Variants in HSPA4 observed in about 807,000 individuals in gnomAD.
HSPA4 encodes heat shock protein family A (Hsp70) member 4.
Under a neutral mutation model 106.2 loss-of-function variants are expected in HSPA4, and 25 were observed. The observed-to-expected ratio is 0.24, with a 90% CI of 0.17 to 0.33. The LOEUF (loss-of-function observed/expected upper bound fraction) is 0.33, where lower values mean the gene tolerates loss of function less well. Among genes scored for constraint, HSPA4 ranks in the 10% least tolerant of loss-of-function variants. The pLI is 1.00. For synonymous variants in HSPA4, 332 were observed against 333.6 expected (o/e 1.00, Z 0.05); for missense variants, 841 against 996.0 (o/e 0.84, Z 2.10).
At chr5:133,054,085 A>C (rs1561574205) in intron 1 of HSPA4, among the ~76,000 whole-genome samples, 1 of 151,400 alleles carries the variant, frequency 6.6e-6, no homozygotes. Flanking sequence ...AAATTTCCGC[A>C]CCCCCCACCT....
intron 1 of HSPA4, among the ~76,000 whole-genome samples, chr5:133,058,379 C>G (rs1012103211): frequency 2.0e-5 from 3 of 152,056 alleles, no homozygotes; most frequent in African/African-American, 7.2e-5. Context: ...AGAACCATCT[C>G]TTAAAAAACA....
intron 4 of HSPA4, among the ~76,000 whole-genome samples, chr5:133,071,698 G>A (rs1765383874): frequency 6.6e-6 from 1 of 152,212 alleles, no homozygotes; most frequent in Non-Finnish European, 1.5e-5. Context: ...AGCAAGGACT[G>A]TTAGGTGGCT....
chr5:133,058,213 G>A (rs1030583256), intron 1 of HSPA4, among the ~76,000 whole-genome samples: 15 of 152,184 alleles, frequency 9.9e-5, no homozygotes, highest in Admixed American at 7.2e-4. Context: ...GCAATATAGC[G>A]AGACTCTGTC....
intron 1 of HSPA4, among the ~76,000 whole-genome samples, chr5:133,061,177 C>T (rs1415645553): frequency 4.0e-5 from 6 of 150,104 alleles, no homozygotes; most frequent in Non-Finnish European, 8.9e-5. Context: ...GGCTGGAGTG[C>T]AGTGACGTGA....
intron 4 of HSPA4, among the ~76,000 whole-genome samples, chr5:133,071,029 C>T (rs1765374743): frequency 6.6e-6 from 1 of 152,150 alleles, no homozygotes; most frequent in African/African-American, 2.4e-5. Context: ...GTGCATTCAT[C>T]TCAGCCTGCC....
At chr5:133,073,919 C>T in intron 5 of HSPA4, 74 bp from the exon 6 acceptor site, 2 of 1,054,312 alleles carry the variant, frequency 1.9e-6, no homozygotes, top group Non-Finnish European at 2.6e-6. Context: ...ATATATAAAA[C>T]CTCTTTTTTC....
intron 13 of HSPA4, among the ~76,000 whole-genome samples, chr5:133,093,004 A>C (rs997108661): frequency 9.4e-6 from 1 of 106,734 alleles, no homozygotes; most frequent in South Asian, 2.9e-4. Context: ...TTTTTTTTGT[A>C]TTTTTTAGTA....
intron 1 of HSPA4, among the ~76,000 whole-genome samples, chr5:133,058,930 C>G (rs74361412): frequency 0.063 from 9,634 of 152,020 alleles, 879 homozygotes; most frequent in East Asian, 0.3. Context: ...GAGTTTGAGA[C>G]CAGCCTGGCC....
At chr5:133,063,238 C>G (rs2126695760) in intron 1 of HSPA4, among the ~76,000 whole-genome samples, 1 of 151,752 alleles carries the variant, frequency 6.6e-6, no homozygotes, top group South Asian at 2.1e-4. Flanking sequence ...CGTGACTGCC[C>G]CATAGCTGGG....
rs1765417957 is a variant in HSPA4, at chr5:133,074,091, G to A, written c.628G>A (p.Val210Ile). 1 of 1,604,644 alleles carries A rather than the reference G, an allele frequency of 6.2e-7. No homozygotes were observed. The highest frequency in any genetic ancestry group is 8.5e-7 in the Non-Finnish European group (1 of 1,175,734). ...FVDMGHSAYQ[V>I]SVCAFNRGKL... The stretch of plus-strand genomic sequence containing the variant: ...AGACATGGGCCACTCTGCTTATCAA[G>A]TTTCTGTATGTGCATTTAATAGAGG... The change falls in exon 6 of 19, where the codon GTT (valine) becomes ATT (isoleucine). Residue 210 changes from valine (V) to isoleucine (I), a missense_variant. By Grantham distance (29) the Val-to-Ile change is conservative. Coordinates refer to ENST00000304858, the MANE Select transcript of HSPA4 (RefSeq NM_002154.4).
chr5:133,076,633 A>T, intron 6 of HSPA4, 21 bp from the exon 7 acceptor site: 1 of 1,602,710 alleles, frequency 6.2e-7, no homozygotes, highest in East Asian at 2.2e-5. Flanking sequence ...TTGTTAGATT[A>T]ATTCTCATTT....
chr5:133,074,489 G>T (rs1046431824), intron 6 of HSPA4, among the ~76,000 whole-genome samples: 3 of 152,130 alleles, frequency 2.0e-5, no homozygotes, highest in African/African-American at 7.2e-5. Flanking sequence ...TGTTGGTCAG[G>T]CTGGTCTCGA....
At position 133,104,707 on chromosome 5, in the gene HSPA4, C is replaced by A; in HGVS notation, c.*271C>A. On this transcript the variant is annotated 3_prime_UTR_variant, in exon 19 of 19. Transcript: ENST00000304858. ...TATGCTTCACTCCTTTATGTTTAACCATGTGTCTACAAGAATAAGTTTGTT... is the reference window on the plus strand; with the variant it reads ...TATGCTTCACTCCTTTATGTTTAACAATGTGTCTACAAGAATAAGTTTGTT... 1 of 373,132 alleles carries A rather than the reference C, an allele frequency of 2.7e-6. No homozygotes were observed. The allele number at this position is 373,132 out of a possible 1,614,324, so 23.1% of individuals were successfully genotyped here.
chr5:133,091,278 C>T lies in HSPA4; in HGVS notation c.1464C>T (p.Gly488=), dbSNP rs201459943. 3.1e-6 allele frequency: 5 copies of T among 1,613,818 alleles called. No homozygotes were observed. In the East Asian group the frequency reaches 1.1e-4, roughly 36 times the overall value. Residue 488 remains glycine (G), a synonymous_variant, in exon 12 of 19, where the codon GGC becomes GGT. Coordinates refer to ENST00000304858, the MANE Select transcript of HSPA4 (RefSeq NM_002154.4). ...TCAAAGTTCGAGTAAATGTCCATGGCATTTTCAGTGTGTCCAGTGCATCTT... is the reference window on the plus strand; with the variant it reads ...TCAAAGTTCGAGTAAATGTCCATGGTATTTTCAGTGTGTCCAGTGCATCTT... ...VKVKVRVNVH[G]IFSVSSASLV...
intron 1 of HSPA4, among the ~76,000 whole-genome samples, chr5:133,061,993 G>A (rs111932075): frequency 6.6e-6 from 1 of 152,238 alleles, no homozygotes; most frequent in African/African-American, 2.4e-5. Context: ...GACAAAATAG[G>A]TGGAATTTCT....
At chr5:133,100,629 AC>A (rs1299089383) in intron 16 of HSPA4, among the ~76,000 whole-genome samples, 1 of 152,164 alleles carries the variant, frequency 6.6e-6, no homozygotes, top group African/African-American at 2.4e-5. Flanking sequence ...TACTAAAAAT[AC>A]AAAAATTAGC....
chr5:133,089,282 A>G (rs1199043626), intron 10 of HSPA4, 121 bp downstream of exon 10: 1 of 624,016 alleles, frequency 1.6e-6, no homozygotes. Flanking sequence ...GCATGAAGGA[A>G]GTGGTCATTT....
At position 133,103,967 on chromosome 5, in the gene HSPA4, A is replaced by G. The variant is rs771075745; in HGVS notation, c.2260A>G (p.Lys754Glu). The G allele has an allele frequency of 7.4e-6, 12 of 1,613,782 alleles. No homozygotes were observed. In the African/African-American group the frequency reaches 1.3e-4, roughly 18 times the overall value. The part of the protein sequence containing the change: ...WMNNKLNLQN[K>E]QSLTMDPVVK... ...GAATAACAAGCTAAATCTGCAGAACAAGCAGAGTTTGACCATGGATCCAGT... is the reference window on the plus strand; with the variant it reads ...GAATAACAAGCTAAATCTGCAGAACGAGCAGAGTTTGACCATGGATCCAGT... Residue 754 changes from lysine (K) to glutamate (E), a missense_variant, in exon 18 of 19, where the codon AAG becomes GAG. Transcript: ENST00000304858.
intron 10 of HSPA4, 112 bp from the exon 11 acceptor site, chr5:133,089,449 CA>C: frequency 1.1e-6 from 1 of 914,376 alleles, no homozygotes; most frequent in Non-Finnish European, 1.6e-6. Flanking sequence ...GAAATAATAC[CA>C]ATTGAAAAGA....
Sources: gnomAD v4.1 joint callset for allele counts (sites outside exome capture counted in the v4.1 genomes callset) on GRCh38, gnomAD v4.1.1 for gene constraint, MANE v1.5 for transcripts, NCBI Gene and HGNC (gene_info 2026-07-23, HGNC 2026-07-21) for gene names.